FAM111A: variants seen among roughly 807,000 people sequenced by gnomAD.
FAM111A encodes FAM111 trypsin like peptidase A, also known as serine protease FAM111A.
A neutral mutation model predicts 3.3 loss-of-function variants in FAM111A; 8 were observed. That is an observed-to-expected ratio of 2.39 (90% CI 1.40 to 4.32). The LOEUF (loss-of-function observed/expected upper bound fraction) is 4.32. FAM111A is among the 30% of genes most tolerant of loss of function. The pLI, the probability that FAM111A is intolerant of heterozygous loss-of-function variation, is 0.00. For synonymous variants in FAM111A, 227 were observed against 243.1 expected, an observed-to-expected ratio of 0.93 and a Z score of 0.62; for missense variants, 683 against 727.6, an observed-to-expected ratio of 0.94 and a Z score of 0.71.
chr11:59,148,079 C>T (rs1861162370), intron 4 of FAM111A, among the ~76,000 whole-genome samples: 1 of 152,216 alleles, frequency 6.6e-6, no homozygotes, highest in Non-Finnish European at 1.5e-5. Flanking sequence ...ACAGACATGG[C>T]TGCTGCCCTC....
chr11:59,151,509 C>T (rs1861655363), intron 5 of FAM111A, among the ~76,000 whole-genome samples: 1 of 152,028 alleles, frequency 6.6e-6, no homozygotes, highest in Non-Finnish European at 1.5e-5. Flanking sequence ...TTTTTTCTTC[C>T]CTCATATTTT....
intron 4 of FAM111A, 79 bp from the exon 5 acceptor site, chr11:59,148,718 G>A (rs1312031751): frequency 1.7e-6 from 1 of 599,270 alleles, no homozygotes; most frequent in Non-Finnish European, 3.0e-6. Flanking sequence ...CATCTCCAGG[G>A]AGAGCAAGGT....
chr11:59,145,234 A>AGAGGAAGAGGGAGAGTGAAGGAGGG, intron 3 of FAM111A: 1 of 149,284 alleles, frequency 6.7e-6, no homozygotes, highest in South Asian at 2.2e-4. Context: ...GGAAAGGGAG[A>AGAGGAAGAGGGAGAGTGAAGGAGGG]GAGGAAGAGG....
chr11:59,143,111 G>C lies in FAM111A; in HGVS notation c.-499G>C, dbSNP rs932364347. 1 of 152,362 alleles carries C rather than the reference G, an allele frequency of 6.6e-6. No individual in the cohort carries two copies. Among genetic ancestry groups the C allele is most frequent in the African/African-American group, 2.4e-5 (1 of 41,458 alleles). The allele number at this position is 152,362 out of a possible 1,614,324, so 9.4% of individuals were successfully genotyped here. A position where few individuals can be genotyped will look rare whatever the true frequency, so the allele number is the denominator to read the frequency against. On this transcript the variant is annotated 5_prime_UTR_variant, in exon 2 of 6. Transcript: ENST00000675163. Reference sequence around the variant, plus strand: ...TCCCCAGCGCAGCCAATCGGCTTCCGAAGTAGGTGAGTTGCTGCCTGAAGA... The same window carrying C: ...TCCCCAGCGCAGCCAATCGGCTTCCCAAGTAGGTGAGTTGCTGCCTGAAGA...
rs1861695363 is a variant in FAM111A, at chr11:59,151,810, G to A, written c.142G>A (p.Asp48Asn). The A allele has an allele frequency of 1.2e-6, 2 of 1,613,620 alleles. No homozygotes were observed. The highest frequency in any genetic ancestry group is 2.2e-5 in the South Asian group (2 of 91,012). ...TCTAATGAGGATGGAGTCTAGAGGAGACCCAAGAGCCACAACTAATACCCA... is the reference window on the plus strand; with the variant it reads ...TCTAATGAGGATGGAGTCTAGAGGAAACCCAAGAGCCACAACTAATACCCA... The part of the protein sequence containing the change: ...TSLMRMESRG[D>N]PRATTNTQAQ... Residue 48 changes from aspartate (D) to asparagine (N), a missense_variant, in exon 6 of 6, where the codon GAC becomes AAC. Around this residue, in one of 3 missense-constraint regions of FAM111A, gnomAD observed 557 missense variants for 600.2 expected, o/e 0.93. Coordinates refer to ENST00000675163, the MANE Select transcript of FAM111A (RefSeq NM_001312909.2).
In FAM111A at chr11:59,152,330, TCAAGGATGCACTGTG is replaced by T; in HGVS notation, c.671_685del (p.Ala224_Asp228del). The stretch of plus-strand genomic sequence containing the variant: ...GTTTATGCTTTCAAAGGAGAAACCA[TCAAGGATGCACTGTG>T]CAAGGATGGCAGATTTCTTTCCTTT... On this transcript the variant is annotated inframe_deletion, in exon 6 of 6. Coordinates refer to ENST00000675163, the MANE Select transcript of FAM111A (RefSeq NM_001312909.2). The T allele has an allele frequency of 6.2e-7, 1 of 1,614,168 alleles. No individual in the cohort carries two copies. The highest frequency in any genetic ancestry group is 8.5e-7 in the Non-Finnish European group (1 of 1,180,016).
intron 4 of FAM111A, among the ~76,000 whole-genome samples, chr11:59,147,347 G>A (rs1033735678): frequency 1.3e-5 from 2 of 152,214 alleles, no homozygotes; most frequent in African/African-American, 4.8e-5. Context: ...TTGATTTGCT[G>A]AAGAGAACAG....
chr11:59,153,703 A>ATTTTTT lies in FAM111A; in HGVS notation c.*210_*215dup, dbSNP rs878948228. ...ATGAGATGGACTATAACTTGCCCAA[A>ATTTTTT]TTTTTTTTTTTTTTTTGAGACTGAG... On this transcript the variant is annotated 3_prime_UTR_variant, in exon 6 of 6. Coordinates refer to ENST00000675163, the MANE Select transcript of FAM111A (RefSeq NM_001312909.2). The ATTTTTT allele has an allele frequency of 0.016, 5,174 of 323,080 alleles. 187 individuals are homozygous for ATTTTTT. Among genetic ancestry groups the ATTTTTT allele is most frequent in the East Asian group, 0.074 (1,157 of 15,720 alleles). 20.0% of individuals were successfully genotyped at this position (323,080 alleles called of 1,614,324 possible). A position where few individuals can be genotyped will look rare whatever the true frequency, so the allele number is the denominator to read the frequency against.
chr11:59,153,434 A>T lies in FAM111A; in HGVS notation c.1766A>T (p.His589Leu), dbSNP rs1861979053. 1 of 1,613,860 alleles carries T rather than the reference A, an allele frequency of 6.2e-7. No individual in the cohort carries two copies. Among genetic ancestry groups the T allele is most frequent in the African/African-American group, 1.3e-5 (1 of 74,924 alleles). ...ESILLDIKQRHKPWYEEVFVN... is the reference protein window; with the variant it reads ...ESILLDIKQRLKPWYEEVFVN... Reference sequence around the variant, plus strand: ...ATCCTCCTTGATATTAAGCAAAGACATAAACCATGGTATGAAGAAGTATTT... The same window carrying T: ...ATCCTCCTTGATATTAAGCAAAGACTTAAACCATGGTATGAAGAAGTATTT... The change falls in exon 6 of 6, where the codon CAT becomes CTT. Residue 589 changes from histidine to leucine, a missense_variant. By Grantham distance (99) the His-to-Leu change is moderately conservative. Around this residue, in one of 3 missense-constraint regions of FAM111A, gnomAD observed 122 missense variants for 110.9 expected, o/e 1.10. Coordinates refer to ENST00000675163, the MANE Select transcript of FAM111A (RefSeq NM_001312909.2).
At chr11:59,147,242 C>T (rs1489357940) in intron 4 of FAM111A, among the ~76,000 whole-genome samples, 18 of 152,156 alleles carry the variant, frequency 1.2e-4, no homozygotes, top group Admixed American at 1.2e-3. Context: ...GATTTACGAT[C>T]AAGAGGTGAC....
Position 59,152,391 on chromosome 11 carries a change from A to G in FAM111A, c.723A>G (p.Lys241=). ...CCTTTCTGGAGAATGATGATTGGAA[A>G]CTCATTGAAAACAATGACACCATTT... is the stretch of plus-strand genomic sequence containing the variant. ...FLSFLENDDW[K]LIENNDTILE... Residue 241 remains lysine (K), a synonymous_variant, in exon 6 of 6, where the codon AAA becomes AAG. Coordinates refer to ENST00000675163, the MANE Select transcript of FAM111A (RefSeq NM_001312909.2). The G allele has an allele frequency of 1.2e-6, 2 of 1,614,050 alleles. No homozygotes were observed. Among genetic ancestry groups the G allele is most frequent in the South Asian group, 2.2e-5 (2 of 91,086 alleles).
intron 5 of FAM111A, among the ~76,000 whole-genome samples, chr11:59,149,968 G>C (rs892014389): frequency 6.6e-6 from 1 of 152,112 alleles, no homozygotes; most frequent in Non-Finnish European, 1.5e-5. Flanking sequence ...GTAAACATTT[G>C]AGTATGAAGC....
In FAM111A at chr11:59,153,494, A is replaced by G; in HGVS notation, c.1826A>G (p.Glu609Gly). 6.3e-7 allele frequency: 1 copy of G among 1,598,166 alleles called. No homozygotes were observed. Among genetic ancestry groups the G allele is most frequent in the Non-Finnish European group, 8.5e-7 (1 of 1,172,398 alleles). ...NQQDVEMMSD[E>G]DL ...CAGGATGTAGAAATGATGAGTGATG[A>G]GGACTTGTGAGAATTCAGTCTACTG... Residue 609 changes from glutamate (E) to glycine (G), a missense_variant, in exon 6 of 6, where the codon GAG becomes GGG. This residue lies in a region of FAM111A where 122 missense variants were observed against 110.9 expected (regional missense o/e 1.10). Coordinates refer to ENST00000675163, the MANE Select transcript of FAM111A (RefSeq NM_001312909.2).
Position 59,152,301 on chromosome 11 carries a change from C to G in FAM111A, c.633C>G (p.Leu211=), listed in dbSNP as rs1565205022. ...AGCTTCACAAAAAGGGGCGCAAACT[C>G]TGTGTTTATGCTTTCAAAGGAGAAA... ...CGKLHKKGRK[L]CVYAFKGETI... The change falls in exon 6 of 6, where the codon CTC becomes CTG. Residue 211 remains leucine, a synonymous_variant. Coordinates refer to ENST00000675163, the MANE Select transcript of FAM111A (RefSeq NM_001312909.2). The G allele has an allele frequency of 6.2e-7, 1 of 1,614,204 alleles. No homozygotes were observed. The highest frequency in any genetic ancestry group is 1.1e-5 in the South Asian group (1 of 91,086).
chr11:59,151,706 C>G (rs777066811), intron 5 of FAM111A, 44 bp from the exon 6 acceptor site: 1 of 1,396,840 alleles, frequency 7.2e-7, no homozygotes, highest in African/African-American at 1.4e-5. Flanking sequence ...ACAAAAGACT[C>G]GGGTTGCATT....
In FAM111A at chr11:59,151,760, A is replaced by G. The variant is rs1255958670; in HGVS notation, c.92A>G (p.Glu31Gly). ...AACATTTATTTTTAGGTCTCTAAAG[A>G]GCAACAGAATAATTGCAGTACTTCT... is the stretch of plus-strand genomic sequence containing the variant. ...IEHYFSPVSK[E>G]QQNNCSTSLM... The change falls in exon 6 of 6, where the codon GAG becomes GGG. Residue 31 changes from glutamate (E) to glycine (G), a missense_variant. Coordinates refer to ENST00000675163, the MANE Select transcript of FAM111A (RefSeq NM_001312909.2). 7 of 1,582,556 alleles carry G rather than the reference A, an allele frequency of 4.4e-6. No individual in the cohort carries two copies. Among genetic ancestry groups the G allele is most frequent in the Non-Finnish European group, 6.0e-6 (7 of 1,170,460 alleles).
chr11:59,152,758 A>T lies in FAM111A; in HGVS notation c.1090A>T (p.Ser364Cys), dbSNP rs568651957. The T allele has an allele frequency of 6.2e-7, 1 of 1,614,116 alleles. No homozygotes were observed. The highest frequency in any genetic ancestry group is 1.3e-5 in the African/African-American group (1 of 74,940). ...CTCAGTTGGGTACTTATTCTGGGAC[A>T]GTGCAACTACGGGTTACGCCACCTG... ...SDSVGYLFWDSATTGYATCFV... is the reference protein window; with the variant it reads ...SDSVGYLFWDCATTGYATCFV... Residue 364 changes from serine to cysteine, a missense_variant, in exon 6 of 6, where the codon AGT (serine) becomes TGT (cysteine). Physicochemically the swap from Ser to Cys is moderately radical, Grantham distance 112. This residue lies in a region of FAM111A where 557 missense variants were observed against 600.2 expected (regional missense o/e 0.93). Coordinates refer to ENST00000675163, the MANE Select transcript of FAM111A (RefSeq NM_001312909.2).
At chr11:59,147,572 A>AT (rs939707126) in intron 4 of FAM111A, among the ~76,000 whole-genome samples, 2 of 151,930 alleles carry the variant, frequency 1.3e-5, no homozygotes, top group East Asian at 1.9e-4. Context: ...TTAAAACTAC[A>AT]TTTTTTTTGC....
Position 59,151,891 on chromosome 11 carries a change from A to T in FAM111A, c.223A>T (p.Asn75Tyr). Reference sequence around the variant, plus strand: ...TCCAGAAGACCAGACCATGCCCCAAAATAGGACAATATATGTTACCTTGAA... The same window carrying T: ...TCCAGAAGACCAGACCATGCCCCAATATAGGACAATATATGTTACCTTGAA... ...KNPEDQTMPQNRTIYVTLKVN... is the reference protein window; with the variant it reads ...KNPEDQTMPQYRTIYVTLKVN... Residue 75 changes from asparagine to tyrosine, a missense_variant, in exon 6 of 6, where the codon AAT (asparagine) becomes TAT (tyrosine). This residue lies in a region of FAM111A where 557 missense variants were observed against 600.2 expected (regional missense o/e 0.93). Coordinates refer to ENST00000675163, the MANE Select transcript of FAM111A (RefSeq NM_001312909.2). The T allele has an allele frequency of 1.2e-6, 2 of 1,614,228 alleles. No homozygotes were observed. Among genetic ancestry groups the T allele is most frequent in the South Asian group, 2.2e-5 (2 of 91,090 alleles).
Sources: allele counts gnomAD v4.1 joint callset (sites outside exome capture counted in the v4.1 genomes callset), GRCh38; gene constraint gnomAD v4.1.1; regional missense constraint gnomAD v4.1.1; transcripts MANE v1.5; gene names NCBI Gene and HGNC (gene_info 2026-07-23, HGNC 2026-07-21).